The following STIM1 variants were observed in gnomAD, a reference collection of about 807,000 sequenced individuals.
STIM1 encodes the protein stromal interaction molecule 1.
In STIM1, 25 loss-of-function variants were observed where a neutral mutation model predicts 74.7. The observed-to-expected ratio is 0.33, with a 90% CI of 0.24 to 0.47. The LOEUF (loss-of-function observed/expected upper bound fraction) is 0.47. Ranked by LOEUF, STIM1 falls within the 20% of genes least tolerant of loss-of-function variation. The probability of loss-of-function intolerance (pLI) is 1.00; values close to 1 mark genes in which losing one functional copy is unlikely to be tolerated. For synonymous variants in STIM1, 328 were observed against 348.8 expected (o/e 0.94, Z 0.66); for missense variants, 728 against 920.8 (o/e 0.79, Z 2.71).
chr11:4,047,615 C>G (rs2094203537), intron 3 of STIM1, among the ~76,000 whole-genome samples: 2 of 151,442 alleles, frequency 1.3e-5, no homozygotes, highest in South Asian at 4.2e-4. Flanking sequence ...GACCCTTTTT[C>G]AAACAAAACA....
At chr11:4,022,906 T>C (rs981129838) in intron 2 of STIM1, among the ~76,000 whole-genome samples, 14 of 152,236 alleles carry the variant, frequency 9.2e-5, no homozygotes, top group African/African-American at 3.4e-4. Flanking sequence ...TAGACTTGGG[T>C]GTCGTGCAAC....
At chr11:3,933,165 T>C (rs1477363575) in intron 1 of STIM1, among the ~76,000 whole-genome samples, 1 of 152,222 alleles carries the variant, frequency 6.6e-6, no homozygotes, top group Non-Finnish European at 1.5e-5. Flanking sequence ...TCTTAGCGGC[T>C]GGCTATCTTG....
At chr11:3,955,490 A>G (rs915808124) in intron 1 of STIM1, among the ~76,000 whole-genome samples, 13 of 152,210 alleles carry the variant, frequency 8.5e-5, no homozygotes, top group Admixed American at 8.5e-4. Flanking sequence ...TCATGGTAGT[A>G]TTGACTGGAA....
chr11:3,924,911 CT>C (rs1410528384), intron 1 of STIM1, among the ~76,000 whole-genome samples: 1 of 152,080 alleles, frequency 6.6e-6, no homozygotes, highest in Non-Finnish European at 1.5e-5. Flanking sequence ...AAGACAGTTC[CT>C]TTTTTATTTC....
At chr11:3,983,272 T>A (rs1219165358) in intron 2 of STIM1, among the ~76,000 whole-genome samples, 2 of 152,188 alleles carry the variant, frequency 1.3e-5, no homozygotes, top group African/African-American at 4.8e-5. Context: ...TTGATAGAGA[T>A]GCAGTGGTGC....
intron 5 of STIM1, among the ~76,000 whole-genome samples, chr11:4,063,496 C>T (rs1288516396): frequency 2.6e-5 from 4 of 152,160 alleles, no homozygotes; most frequent in African/African-American, 9.7e-5. Context: ...TTAAGGCACG[C>T]ACACTGTATT....
chr11:3,984,086 G>A (rs1373924434), intron 2 of STIM1, among the ~76,000 whole-genome samples: 1 of 151,952 alleles, frequency 6.6e-6, no homozygotes, highest in Non-Finnish European at 1.5e-5. Flanking sequence ...GGCTGATCTC[G>A]AACTCCTGAC....
At position 3,856,089 on chromosome 11, in the gene STIM1, C is replaced by G. The variant is rs772326440; in HGVS notation, c.-182C>G. 3 of 729,296 alleles carry G rather than the reference C, an allele frequency of 4.1e-6. No homozygotes were observed. The allele number at this position is 729,296 out of a possible 1,614,324, so 45.2% of individuals were successfully genotyped here. A position where few individuals can be genotyped will look rare whatever the true frequency, so the allele number is the denominator to read the frequency against. On this transcript the variant is annotated 5_prime_UTR_variant, in exon 1 of 13. Transcript: ENST00000526596. ...CTGAGGAGCCAGCCCTCCTCCCGCA[C>G]CCAAACTTGGAGCACTTGACCTTTG...
intron 2 of STIM1, among the ~76,000 whole-genome samples, chr11:3,977,962 A>T (rs1410018969): frequency 1.3e-5 from 2 of 152,110 alleles, no homozygotes; most frequent in East Asian, 3.9e-4. Context: ...GCATTTAGCC[A>T]TGGGAGCCAC....
intron 2 of STIM1, among the ~76,000 whole-genome samples, chr11:4,013,990 A>G (rs1164082342): frequency 6.6e-6 from 1 of 151,748 alleles, no homozygotes; most frequent in Non-Finnish European, 1.5e-5. Context: ...TACAGGCATC[A>G]GCCACCACGC....
chr11:4,050,779 AC>A (rs1454482844), intron 3 of STIM1, among the ~76,000 whole-genome samples: 1 of 152,216 alleles, frequency 6.6e-6, no homozygotes, highest in African/African-American at 2.4e-5. Context: ...CAGAAGACTT[AC>A]CAATAACATA....
chr11:3,949,431 A>T (rs1376279157), intron 1 of STIM1, among the ~76,000 whole-genome samples: 1 of 152,182 alleles, frequency 6.6e-6, no homozygotes, highest in African/African-American at 2.4e-5. Context: ...CTCTTGAAAA[A>T]GTCTTGCATG....
At chr11:3,881,596 C>T (rs761184153) in intron 1 of STIM1, among the ~76,000 whole-genome samples, 1 of 152,196 alleles carries the variant, frequency 6.6e-6, no homozygotes, top group Non-Finnish European at 1.5e-5. Context: ...TGGTCTCCAT[C>T]TCCTGACCTC....
chr11:4,005,459 T>C (rs962600027), intron 2 of STIM1, among the ~76,000 whole-genome samples: 30 of 151,804 alleles, frequency 2.0e-4, no homozygotes, highest in Non-Finnish European at 3.4e-4. Flanking sequence ...AAATCATCAT[T>C]CTCAGTAAAC....
chr11:4,013,849 C>T (rs1184942398), intron 2 of STIM1, among the ~76,000 whole-genome samples: 2 of 151,588 alleles, frequency 1.3e-5, no homozygotes, highest in Non-Finnish European at 2.9e-5. Context: ...GGACTACAGG[C>T]ACCCGCCACC....
intron 3 of STIM1, among the ~76,000 whole-genome samples, chr11:4,027,356 G>T (rs1260071208): frequency 6.6e-6 from 1 of 151,610 alleles, no homozygotes; most frequent in African/African-American, 2.4e-5. Context: ...CTGTCACCTG[G>T]GCTGGAGTGC....
intron 3 of STIM1, among the ~76,000 whole-genome samples, chr11:4,048,669 A>C (rs2133045116): frequency 6.6e-6 from 1 of 152,258 alleles, no homozygotes; most frequent in East Asian, 1.9e-4. Flanking sequence ...CTTTTAACAA[A>C]GTATAGAGAT....
chr11:3,910,172 A>T (rs2092538417), intron 1 of STIM1, among the ~76,000 whole-genome samples: 1 of 152,226 alleles, frequency 6.6e-6, no homozygotes, highest in African/African-American at 2.4e-5. Flanking sequence ...TTGCGACTAT[A>T]TTCTTTGGGC....
intron 1 of STIM1, among the ~76,000 whole-genome samples, chr11:3,956,823 CAAA>C (rs78285130): frequency 8.1e-4 from 31 of 38,198 alleles, no homozygotes; most frequent in East Asian, 1.7e-3. Context: ...ACCCTGTCTC[CAAA>C]AAAAAAAAAA....
Sources: gnomAD v4.1 joint callset for allele counts (sites outside exome capture counted in the v4.1 genomes callset) on GRCh38, gnomAD v4.1.1 for gene constraint, MANE v1.5 for transcripts, NCBI Gene and HGNC (gene_info 2026-07-23, HGNC 2026-07-21) for gene names.